Variants in AGBL4 observed in about 807,000 individuals in gnomAD.
AGBL4 encodes the protein AGBL carboxypeptidase 4, also known as cytosolic carboxypeptidase 6.
A neutral mutation model predicts 66.4 loss-of-function variants in AGBL4; 58 were observed. That is an observed-to-expected ratio of 0.87 (90% CI 0.71 to 1.09). AGBL4 has a LOEUF of 1.09. Ranked by LOEUF, AGBL4 falls within the 50% of genes least tolerant of loss-of-function variation. The pLI is 0.00. For synonymous variants in AGBL4, 234 were observed against 222.9 expected (o/e 1.05, Z -0.44); for missense variants, 579 against 631.0 (o/e 0.92, Z 0.88).
intron 3 of AGBL4, among the ~76,000 whole-genome samples, chr1:49,481,040 C>G (rs1337289763): frequency 1.3e-5 from 2 of 151,982 alleles, no homozygotes; most frequent in African/African-American, 4.8e-5. Flanking sequence ...GTTACTGAAG[C>G]CCTGTAGTAT....
intron 6 of AGBL4, among the ~76,000 whole-genome samples, chr1:48,668,333 G>A (rs1488397399): frequency 2.0e-5 from 3 of 152,070 alleles, no homozygotes; most frequent in Non-Finnish European, 4.4e-5. Context: ...TACCAAAATG[G>A]TCTTTCTAAA....
At chr1:48,874,792 A>G (rs1269429578) in intron 5 of AGBL4, among the ~76,000 whole-genome samples, 1 of 152,120 alleles carries the variant, frequency 6.6e-6, no homozygotes, top group Non-Finnish European at 1.5e-5. Context: ...AGCAGAGATC[A>G]TCGAAATTTG....
At chr1:49,424,027 G>A (rs995732612) in intron 3 of AGBL4, among the ~76,000 whole-genome samples, 3 of 152,040 alleles carry the variant, frequency 2.0e-5, no homozygotes, top group Admixed American at 2.0e-4. Flanking sequence ...CCTGCTCTAT[G>A]CCCTGGGAGG....
Position 48,980,754 on chromosome 1 carries a change from T to C in AGBL4, c.594+64830A>G, listed in dbSNP as rs1279592710. On this transcript the variant is annotated intron_variant, in intron 5 of 13. Transcript: ENST00000371839. Reference sequence around the variant, plus strand: ...ATATATATATATATATATATATATATATATATATATATATATATATATATA... The same window carrying C: ...ATATATATATATATATATATATATACATATATATATATATATATATATATA... Among the ~76,000 whole-genome samples, 5 of 29,674 alleles carry C rather than the reference T, an allele frequency of 1.7e-4. 1 individual carries two copies. The highest frequency in any genetic ancestry group is 2.6e-4 in the African/African-American group (2 of 7,564). The allele number at this position is 29,674 out of a possible 152,430, so 19.5% of individuals were successfully genotyped here.
At chr1:49,806,447 C>T (rs1269153258) in intron 2 of AGBL4, among the ~76,000 whole-genome samples, 1 of 151,920 alleles carries the variant, frequency 6.6e-6, no homozygotes, top group Non-Finnish European at 1.5e-5. Flanking sequence ...AAGTTTTAAG[C>T]AAAGTGTTGA....
At chr1:49,329,046 C>A (rs1257591239) in intron 3 of AGBL4, among the ~76,000 whole-genome samples, 1 of 152,170 alleles carries the variant, frequency 6.6e-6, no homozygotes, top group Non-Finnish European at 1.5e-5. Flanking sequence ...GTGGCTCACG[C>A]CTGTAATCTC....
intron 6 of AGBL4, among the ~76,000 whole-genome samples, chr1:48,716,762 G>A (rs1396939427): frequency 2.0e-5 from 3 of 152,190 alleles, no homozygotes; most frequent in African/African-American, 2.4e-5. Context: ...TTGGGGCGAA[G>A]GTACTGATAG....
intron 6 of AGBL4, among the ~76,000 whole-genome samples, chr1:48,732,604 C>T (rs369102604): frequency 5.9e-5 from 9 of 151,904 alleles, no homozygotes; most frequent in South Asian, 2.1e-4. Flanking sequence ...AGGGAGGGCA[C>T]GCAGATCAGG....
At chr1:49,856,382 A>G (rs1646433484) in intron 1 of AGBL4, among the ~76,000 whole-genome samples, 1 of 152,126 alleles carries the variant, frequency 6.6e-6, no homozygotes, top group African/African-American at 2.4e-5. Context: ...AACTCATTCT[A>G]TAAAAACAGC....
At chr1:49,579,989 T>G (rs1337196317) in intron 3 of AGBL4, among the ~76,000 whole-genome samples, 1 of 152,204 alleles carries the variant, frequency 6.6e-6, no homozygotes, top group Non-Finnish European at 1.5e-5. Context: ...ATCTAAGTGC[T>G]CTGGTATTGG....
chr1:49,594,121 T>C (rs968534852), intron 3 of AGBL4, among the ~76,000 whole-genome samples: 3 of 152,286 alleles, frequency 2.0e-5, no homozygotes, highest in African/African-American at 7.2e-5. Flanking sequence ...ATCCTATGAA[T>C]ACTGTATTTT....
intron 2 of AGBL4, among the ~76,000 whole-genome samples, chr1:49,756,636 T>C (rs140165046): frequency 1.3e-5 from 2 of 152,306 alleles, no homozygotes; most frequent in East Asian, 3.9e-4. Context: ...AGGTGGGCGG[T>C]AATTGAATCA....
At chr1:49,084,215 C>T (rs933767195) in intron 4 of AGBL4, among the ~76,000 whole-genome samples, 8 of 151,998 alleles carry the variant, frequency 5.3e-5, no homozygotes, top group South Asian at 2.1e-4. Context: ...GCCCTCCAAA[C>T]TGTTCCAGTC....
At chr1:48,949,107 A>T (rs1413931889) in intron 5 of AGBL4, among the ~76,000 whole-genome samples, 2 of 152,328 alleles carry the variant, frequency 1.3e-5, no homozygotes, top group East Asian at 3.9e-4. Context: ...TGCCCACTTC[A>T]AGTATCTAAA....
chr1:49,926,736 A>C (rs1397465924), intron 1 of AGBL4, among the ~76,000 whole-genome samples: 1 of 152,198 alleles, frequency 6.6e-6, no homozygotes, highest in Admixed American at 6.5e-5. Flanking sequence ...TCATGGAGTA[A>C]AAACTTGAAA....
intron 1 of AGBL4, among the ~76,000 whole-genome samples, chr1:49,939,708 T>C (rs1260054442): frequency 2.0e-5 from 3 of 152,160 alleles, no homozygotes; most frequent in Non-Finnish European, 4.4e-5. Flanking sequence ...TAATTCAAGA[T>C]GGATTAGACT....
At chr1:49,144,605 T>C (rs915286703) in intron 4 of AGBL4, among the ~76,000 whole-genome samples, 6 of 152,010 alleles carry the variant, frequency 3.9e-5, no homozygotes, top group African/African-American at 1.2e-4. Context: ...AGCTGGGTTC[T>C]AGTGACCCTG....
chr1:49,990,354 TAGTG>T (rs896831470), intron 1 of AGBL4, among the ~76,000 whole-genome samples: 16 of 152,174 alleles, frequency 1.1e-4, no homozygotes, highest in Non-Finnish European at 2.4e-4. Context: ...GTTCTCATAA[TAGTG>T]AGTGAGTTCT....
chr1:48,726,833 C>T (rs758704620), intron 6 of AGBL4, among the ~76,000 whole-genome samples: 7 of 152,196 alleles, frequency 4.6e-5, no homozygotes, highest in Non-Finnish European at 8.8e-5. Context: ...ACACTTATCT[C>T]TAATCCTTGT....
Sources: allele counts gnomAD v4.1 joint callset (sites outside exome capture counted in the v4.1 genomes callset), GRCh38; gene constraint gnomAD v4.1.1; transcripts MANE v1.5; gene names NCBI Gene and HGNC (gene_info 2026-07-23, HGNC 2026-07-21).